ERC2: variants seen among roughly 807,000 people sequenced by gnomAD.
The protein encoded by ERC2 is ELKS/RAB6-interacting/CAST family member 2, also known as ERC protein 2.
A neutral mutation model predicts 114.8 loss-of-function variants in ERC2; 42 were observed. That is an observed-to-expected ratio of 0.37 (90% CI 0.29 to 0.47). ERC2 has a LOEUF of 0.47. Ranked by LOEUF, ERC2 falls within the 20% of genes least tolerant of loss-of-function variation. ERC2 has a pLI of 0.99. For missense variants in ERC2, 939 were observed against 1,150.7 expected (o/e 0.82, Z 2.66); for synonymous variants, 454 against 425.5 (o/e 1.07, Z -0.82).
chr3:55,965,690 TG>T (rs2068702536), intron 12 of ERC2, among the ~76,000 whole-genome samples: 2 of 152,202 alleles, frequency 1.3e-5, no homozygotes, highest in Admixed American at 1.3e-4. Flanking sequence ...TTATGCTCAA[TG>T]GGGGGTTACG....
chr3:55,851,396 T>C (rs773982903), intron 14 of ERC2, among the ~76,000 whole-genome samples: 18 of 152,146 alleles, frequency 1.2e-4, no homozygotes, highest in Non-Finnish European at 2.5e-4. Context: ...ATTTTGTCAT[T>C]GTCTTTATTT....
At chr3:55,981,992 G>T (rs1458062) in intron 12 of ERC2, among the ~76,000 whole-genome samples, 42 of 152,052 alleles carry the variant, frequency 2.8e-4, no homozygotes, top group African/African-American at 9.2e-4. Context: ...GGAAGGCTTT[G>T]GTGGAAGAGG....
chr3:55,913,446 C>A (rs560000544), intron 13 of ERC2, among the ~76,000 whole-genome samples: 2 of 152,240 alleles, frequency 1.3e-5, no homozygotes, highest in Non-Finnish European at 2.9e-5. Context: ...AGGACATGTA[C>A]ATCTTTATGG....
At chr3:55,652,079 T>C (rs1162252080) in intron 17 of ERC2, among the ~76,000 whole-genome samples, 1 of 152,196 alleles carries the variant, frequency 6.6e-6, no homozygotes, top group African/African-American at 2.4e-5. Flanking sequence ...CCTGCGAACA[T>C]TTCTGGGCTC....
rs567435930 is a variant in ERC2 at position 56,169,088 on chromosome 3, C to T, written c.1149+4358G>A. 2.0e-5 allele frequency among the ~76,000 whole-genome samples: 3 copies of T among 152,320 alleles called. No individual in the cohort carries two copies. In the South Asian group the frequency reaches 6.2e-4, roughly 32 times the overall value. On this transcript the variant is annotated intron_variant, in intron 4 of 17. Coordinates refer to ENST00000288221, the MANE Select transcript of ERC2 (RefSeq NM_015576.3). ...CACTTCAATTACCACAGAAATACTG[C>T]TTTTAACTTCACATTATGCCTCTGG...
intron 2 of ERC2, among the ~76,000 whole-genome samples, chr3:56,333,567 T>C (rs1297923236): frequency 2.0e-5 from 3 of 152,222 alleles, no homozygotes; most frequent in African/African-American, 7.2e-5. Flanking sequence ...TTAGTTCATA[T>C]TTACCTATGT....
intron 2 of ERC2, among the ~76,000 whole-genome samples, chr3:56,386,327 G>A (rs979951294): frequency 2.0e-5 from 3 of 152,074 alleles, no homozygotes; most frequent in African/African-American, 7.2e-5. Flanking sequence ...AACACTCCAA[G>A]CATCCCAGAT....
chr3:56,134,924 TTTTTTGTTTTTG>T (rs202091525), intron 6 of ERC2, among the ~76,000 whole-genome samples: 484 of 149,120 alleles, frequency 3.2e-3, no homozygotes, highest in South Asian at 0.018. Flanking sequence ...TTTTTTGTTT[TTTTTTGTTTTTG>T]TTTTTGTTTT....
At chr3:55,851,851 G>C (rs1575845604) in intron 14 of ERC2, among the ~76,000 whole-genome samples, 1 of 152,080 alleles carries the variant, frequency 6.6e-6, no homozygotes, top group East Asian at 1.9e-4. Flanking sequence ...ACAACAGAGA[G>C]AGCCCAGGGT....
At chr3:55,931,070 T>G (rs1349293564) in intron 13 of ERC2, among the ~76,000 whole-genome samples, 1 of 152,194 alleles carries the variant, frequency 6.6e-6, no homozygotes, top group Non-Finnish European at 1.5e-5. Flanking sequence ...TCATGCCAGT[T>G]AGAATGGCGA....
chr3:55,603,643 C>CAAAA (rs34016147), intron 17 of ERC2, among the ~76,000 whole-genome samples: 1 of 67,386 alleles, frequency 1.5e-5, no homozygotes. Flanking sequence ...GACTCTGTCT[C>CAAAA]AAAAAAAAAA....
At chr3:55,854,322 C>A (rs1479353767) in intron 14 of ERC2, among the ~76,000 whole-genome samples, 1 of 152,168 alleles carries the variant, frequency 6.6e-6, no homozygotes, top group Admixed American at 6.5e-5. Context: ...GATTTAAAAT[C>A]CCCACATTCT....
intron 17 of ERC2, among the ~76,000 whole-genome samples, chr3:55,513,429 GA>G (rs2052244504): frequency 6.6e-6 from 1 of 152,082 alleles, no homozygotes; most frequent in Non-Finnish European, 1.5e-5. Context: ...TATCTAACAT[GA>G]TTTACACCAG....
intron 17 of ERC2, among the ~76,000 whole-genome samples, chr3:55,526,514 C>T (rs1241709671): frequency 2.6e-5 from 4 of 152,128 alleles, no homozygotes; most frequent in Admixed American, 6.5e-5. Flanking sequence ...CTCAAAGGCC[C>T]GCGTCGTGGC....
chr3:55,973,406 A>G (rs1295778600), intron 12 of ERC2, among the ~76,000 whole-genome samples: 1 of 152,206 alleles, frequency 6.6e-6, no homozygotes, highest in Non-Finnish European at 1.5e-5. Context: ...AGAAGTGGTG[A>G]TGAGTCCTAT....
chr3:56,115,187 T>C (rs1327745831), intron 6 of ERC2, among the ~76,000 whole-genome samples: 1 of 152,192 alleles, frequency 6.6e-6, no homozygotes, highest in African/African-American at 2.4e-5. Flanking sequence ...ACTCTCTCTA[T>C]TGCAATTCCC....
At chr3:55,801,827 C>G (rs1056071933) in intron 14 of ERC2, among the ~76,000 whole-genome samples, 2 of 152,240 alleles carry the variant, frequency 1.3e-5, no homozygotes, top group African/African-American at 4.8e-5. Flanking sequence ...GTGCAGGGCC[C>G]TGTGTGACCA....
intron 17 of ERC2, chr3:55,658,325 C>T (rs901149714): frequency 6.6e-6 from 1 of 152,176 alleles, no homozygotes; most frequent in Admixed American, 6.5e-5. Context: ...GTAAACAGTT[C>T]TTTTTCCAAG....
chr3:56,081,334 G>T (rs1467269924), intron 6 of ERC2, among the ~76,000 whole-genome samples: 1 of 152,158 alleles, frequency 6.6e-6, no homozygotes, highest in Non-Finnish European at 1.5e-5. Context: ...AGAGTCCAGG[G>T]AGGATAAAAT....
Sources: allele counts gnomAD v4.1 joint callset (sites outside exome capture counted in the v4.1 genomes callset), GRCh38; gene constraint gnomAD v4.1.1; transcripts MANE v1.5; gene names NCBI Gene and HGNC (gene_info 2026-07-23, HGNC 2026-07-21).